The following PSD3 variants were observed in gnomAD, a reference collection of about 807,000 sequenced individuals.
The protein encoded by PSD3 is pleckstrin and Sec7 domain containing 3.
PSD3 carries 49 observed loss-of-function variants against 105.5 expected under a neutral mutation model. The ratio of observed to expected loss-of-function variants is 0.46; its 90% CI spans 0.37 to 0.59. The LOEUF (loss-of-function observed/expected upper bound fraction) is 0.59, where lower values mean the gene tolerates loss of function less well. Among genes scored for constraint, PSD3 ranks in the 20% least tolerant of loss-of-function variants. The probability of loss-of-function intolerance (pLI) is 0.00; values close to 1 mark genes in which losing one functional copy is unlikely to be tolerated. For synonymous variants in PSD3, 557 were observed against 457.8 expected, an observed-to-expected ratio of 1.22 and a Z score of -2.77; for missense variants, 1,561 against 1,263.8, an observed-to-expected ratio of 1.24 and a Z score of -3.57.
chr8:18,951,284 C>T (rs1247852595), intron 1 of PSD3, among the ~76,000 whole-genome samples: 1 of 152,096 alleles, frequency 6.6e-6, no homozygotes, highest in Non-Finnish European at 1.5e-5. Context: ...AACCTGTAGT[C>T]CCTGCTACTC....
At chr8:18,568,479 T>G (rs1052069704) in intron 14 of PSD3, among the ~76,000 whole-genome samples, 4 of 137,356 alleles carry the variant, frequency 2.9e-5, no homozygotes, top group Non-Finnish European at 6.7e-5. Flanking sequence ...GAGGTGAGAC[T>G]CCAGAAGCAG....
intron 12 of PSD3, among the ~76,000 whole-genome samples, chr8:18,590,052 A>G (rs1803480762): frequency 1.3e-5 from 2 of 152,232 alleles, no homozygotes; most frequent in Admixed American, 1.3e-4. Context: ...GAAAACAACA[A>G]CAACAACAAT....
intron 11 of PSD3, among the ~76,000 whole-genome samples, chr8:18,615,183 T>G (rs1055016011): frequency 6.6e-6 from 1 of 151,938 alleles, no homozygotes; most frequent in Non-Finnish European, 1.5e-5. Context: ...AATTACCTAC[T>G]CCACCCTGAC....
intron 4 of PSD3, among the ~76,000 whole-genome samples, chr8:18,829,747 A>T (rs1813528982): frequency 6.6e-6 from 1 of 152,156 alleles, no homozygotes; most frequent in Non-Finnish European, 1.5e-5. Context: ...CTAATAGGGC[A>T]CTTCTTTAAC....
At chr8:19,064,210 T>C (rs1828996069) in intron 1 of PSD3, among the ~76,000 whole-genome samples, 1 of 152,152 alleles carries the variant, frequency 6.6e-6, no homozygotes, top group Non-Finnish European at 1.5e-5. Context: ...ACCTGAGTTC[T>C]AGTTAATTAA....
intron 10 of PSD3, among the ~76,000 whole-genome samples, chr8:18,651,882 G>C (rs1476181190): frequency 1.3e-5 from 2 of 152,278 alleles, no homozygotes; most frequent in Non-Finnish European, 2.9e-5. Flanking sequence ...AGAACGTGAA[G>C]GGCCTAATTA....
At chr8:18,685,442 TATTTTTAAAGC>T (rs1335541481) in intron 9 of PSD3, among the ~76,000 whole-genome samples, 1 of 152,020 alleles carries the variant, frequency 6.6e-6, no homozygotes, top group African/African-American at 2.4e-5. Context: ...TTTCATCTCC[TATTTTTAAAGC>T]ACTTAGTGCT....
chr8:18,975,701 T>C (rs1458490083), intron 1 of PSD3, among the ~76,000 whole-genome samples: 1 of 152,222 alleles, frequency 6.6e-6, no homozygotes, highest in African/African-American at 2.4e-5. Flanking sequence ...TAACTGATTT[T>C]ACAAAATTTT....
chr8:18,799,372 A>T lies in PSD3; in HGVS notation c.2024-19T>A, dbSNP rs778406015. 6.4e-6 allele frequency: 10 copies of T among 1,563,040 alleles called. No individual in the cohort carries two copies. Among genetic ancestry groups the T allele is most frequent in the Non-Finnish European group, 8.7e-6 (10 of 1,148,314 alleles). ...ACTCCATCTAAAGAAAGATACAAGA[A>T]AAAAAAGCATGAATTCGCTTTTCAC... On this transcript the variant is annotated intron_variant, in intron 7 of 15. Coordinates refer to ENST00000327040, the MANE Select transcript of PSD3 (RefSeq NM_015310.4).
intron 1 of PSD3, among the ~76,000 whole-genome samples, chr8:18,954,766 G>C (rs532160686): frequency 6.6e-6 from 1 of 152,080 alleles, no homozygotes; most frequent in Non-Finnish European, 1.5e-5. Flanking sequence ...TGCAGTGGGG[G>C]CTCAAGATTC....
chr8:19,019,345 T>A (rs896131425), intron 1 of PSD3, among the ~76,000 whole-genome samples: 1 of 152,244 alleles, frequency 6.6e-6, no homozygotes, highest in African/African-American at 2.4e-5. Context: ...TCCATTGTGA[T>A]CTATGGCTCA....
rs188493509 is a variant in PSD3 at position 18,595,745 on chromosome 8, T to C, written c.2481+4619A>G. Among the ~76,000 whole-genome samples, 510 of 152,160 alleles carry C rather than the reference T, an allele frequency of 3.4e-3. 7 individuals carry two copies. The highest frequency in any genetic ancestry group is 4.4e-3 in the Non-Finnish European group (300 of 67,952). On this transcript the variant is annotated intron_variant, in intron 12 of 15. Coordinates refer to ENST00000327040, the MANE Select transcript of PSD3 (RefSeq NM_015310.4). ...ATTATTAGTACATATGCATCTATCA[T>C]CAAGGCACGTAAATATATAGAGTAA... is the stretch of plus-strand genomic sequence containing the variant.
intron 8 of PSD3, among the ~76,000 whole-genome samples, chr8:18,781,823 G>T (rs1481519142): frequency 2.0e-5 from 3 of 151,884 alleles, no homozygotes; most frequent in African/African-American, 7.3e-5. Flanking sequence ...TTCTCTTCCA[G>T]GAAAACTGAA....
chr8:18,635,369 G>A (rs1467577633), intron 10 of PSD3, among the ~76,000 whole-genome samples: 1 of 151,998 alleles, frequency 6.6e-6, no homozygotes, highest in African/African-American at 2.4e-5. Context: ...CAAAGCTAGG[G>A]AGATACAGTT....
chr8:18,731,384 G>A (rs1585759653), intron 9 of PSD3, among the ~76,000 whole-genome samples: 2 of 152,214 alleles, frequency 1.3e-5, no homozygotes, highest in Non-Finnish European at 2.9e-5. Context: ...AACAAATCAT[G>A]AAAGTGACAT....
intron 9 of PSD3, among the ~76,000 whole-genome samples, chr8:18,710,082 G>A (rs957376794): frequency 6.6e-5 from 10 of 152,176 alleles, no homozygotes; most frequent in Admixed American, 1.3e-4. Flanking sequence ...AATTCAAAGC[G>A]GCTAAAAACC....
intron 1 of PSD3, among the ~76,000 whole-genome samples, chr8:19,075,300 T>C (rs60948377): frequency 0.039 from 5,954 of 152,146 alleles, 377 homozygotes; most frequent in African/African-American, 0.14. Flanking sequence ...GATAGTCTCT[T>C]ACTCAGTTGG....
At chr8:18,689,805 T>C (rs570103968) in intron 9 of PSD3, among the ~76,000 whole-genome samples, 12 of 152,310 alleles carry the variant, frequency 7.9e-5, no homozygotes, top group African/African-American at 1.7e-4. Context: ...TAATGATTAA[T>C]TGTTTCCTAG....
intron 11 of PSD3, among the ~76,000 whole-genome samples, chr8:18,616,827 T>G (rs998059354): frequency 6.6e-6 from 1 of 151,320 alleles, no homozygotes; most frequent in Non-Finnish European, 1.5e-5. Context: ...GTTTCACCGT[T>G]TTAGCCGGGA....
Sources: allele counts gnomAD v4.1 joint callset (sites outside exome capture counted in the v4.1 genomes callset), GRCh38; gene constraint gnomAD v4.1.1; transcripts MANE v1.5; gene names NCBI Gene and HGNC (gene_info 2026-07-23, HGNC 2026-07-21).